The following DDX24 variants were observed in gnomAD, a reference collection of about 807,000 sequenced individuals.
The protein encoded by DDX24 is DEAD-box helicase 24.
A neutral mutation model predicts 68.9 loss-of-function variants in DDX24; 24 were observed. The observed-to-expected ratio is 0.35, with a 90% CI of 0.25 to 0.49. The LOEUF is 0.49. DDX24 is among the 20% of genes least tolerant of loss of function. DDX24 has a pLI of 0.99. For synonymous variants in DDX24, 395 were observed against 385.2 expected (o/e 1.03, Z -0.30); for missense variants, 989 against 1,039.0 (o/e 0.95, Z 0.66).
At chr14:94,074,215 T>G (rs1414669331) in intron 2 of DDX24, among the ~76,000 whole-genome samples, 1 of 152,126 alleles carries the variant, frequency 6.6e-6, no homozygotes, top group African/African-American at 2.4e-5. Flanking sequence ...TTCAGAAAAC[T>G]GAACAGAATA....
At chr14:94,059,969 A>AT in intron 5 of DDX24, 129 bp downstream of exon 5, 1 of 1,125,172 alleles carries the variant, frequency 8.9e-7, no homozygotes, top group East Asian at 2.4e-5. Flanking sequence ...AAAAAAAAAA[A>AT]GGCTACCTAC....
chr14:94,055,182 G>T lies in DDX24; in HGVS notation c.1992C>A (p.Val664=). The change falls in exon 7 of 9, where the codon GTC becomes GTA. Residue 664 remains valine (V), a splice_region_variant and synonymous_variant. Transcript: ENST00000621632. ...GGACATAAATCTCCGAGGTACGTGG[G>T]ACCTGCCACAGGAAGAACTGGGAGA... is the stretch of plus-strand genomic sequence containing the variant. ...PKVQHVIHYQ[V]PRTSEIYVHR... is the part of the protein sequence containing the mutation. The T allele has an allele frequency of 6.2e-7, 1 of 1,611,662 alleles. No individual in the cohort carries two copies. Among genetic ancestry groups the T allele is most frequent in the Non-Finnish European group, 8.5e-7 (1 of 1,178,326 alleles).
chr14:94,066,325 C>A (rs988847466), intron 2 of DDX24, among the ~76,000 whole-genome samples: 18 of 152,260 alleles, frequency 1.2e-4, no homozygotes, highest in African/African-American at 4.3e-4. Context: ...CCATCCCCCA[C>A]AACACCCACA....
At chr14:94,059,416 A>AAG (rs1885550275) in intron 5 of DDX24, among the ~76,000 whole-genome samples, 1 of 152,370 alleles carries the variant, frequency 6.6e-6, no homozygotes, top group South Asian at 2.1e-4. Flanking sequence ...ACTTCCAGGC[A>AAG]GAGAAACCTT....
chr14:94,061,173 T>A, intron 3 of DDX24, 107 bp from the exon 4 acceptor site: 1 of 1,317,352 alleles, frequency 7.6e-7, no homozygotes, highest in Non-Finnish European at 1.1e-6. Context: ...CAGCACAGTG[T>A]AATGCCCTAG....
At chr14:94,059,988 C>A in intron 5 of DDX24, 110 bp downstream of exon 5, 1 of 1,306,568 alleles carries the variant, frequency 7.7e-7, no homozygotes, top group Non-Finnish European at 1.0e-6. Context: ...ACTACTGAGA[C>A]AAGGCCCCTA....
intron 2 of DDX24, among the ~76,000 whole-genome samples, chr14:94,067,944 C>CA (rs1409182842): frequency 6.6e-6 from 1 of 151,718 alleles, no homozygotes; most frequent in Non-Finnish European, 1.5e-5. Context: ...AAAGCAAAAA[C>CA]AAAAAAACAA....
At chr14:94,054,861 A>G in intron 7 of DDX24, 135 bp downstream of exon 7, 1 of 1,023,670 alleles carries the variant, frequency 9.8e-7, no homozygotes, top group Non-Finnish European at 1.5e-6. Flanking sequence ...CCTTTCTACA[A>G]GTCTCCTTGT....
At chr14:94,053,256 G>C in intron 7 of DDX24, 129 bp from the exon 8 acceptor site, 1 of 1,235,618 alleles carries the variant, frequency 8.1e-7, no homozygotes, top group Middle Eastern at 2.7e-4. Context: ...GAGAGCAGTG[G>C]CATGATCATG....
chr14:94,073,513 T>C (rs1885875305), intron 2 of DDX24, among the ~76,000 whole-genome samples: 1 of 152,138 alleles, frequency 6.6e-6, no homozygotes, highest in Non-Finnish European at 1.5e-5. Context: ...CATACCATGC[T>C]AACCCCTTAA....
rs1324503024 is a variant in DDX24 at position 94,050,494 on chromosome 14, G to C, written c.*697C>G. ...TGCATGGAACCGTGGGCAGGAGCCT[G>C]CTCTGTCAAACAGGAGGGAGTGGAG... is the stretch of plus-strand genomic sequence containing the variant. On this transcript the variant is annotated 3_prime_UTR_variant, in exon 9 of 9. Coordinates refer to ENST00000621632, the MANE Select transcript of DDX24 (RefSeq NM_020414.4). 1 of 152,442 alleles carries C rather than the reference G, an allele frequency of 6.6e-6. No homozygotes were observed. The highest frequency in any genetic ancestry group is 6.5e-5 in the Admixed American group (1 of 15,290). 9.4% of individuals were successfully genotyped at this position (152,442 alleles called of 1,614,324 possible). A position where few individuals can be genotyped will look rare whatever the true frequency, so the allele number is the denominator to read the frequency against.
At chr14:94,080,786 G>T (rs1382412561) in intron 1 of DDX24, among the ~76,000 whole-genome samples, 1 of 152,212 alleles carries the variant, frequency 6.6e-6, no homozygotes, top group Non-Finnish European at 1.5e-5. Flanking sequence ...ACCGGGCGAG[G>T]ACACGGAGAG....
At chr14:94,069,902 A>C (rs371183939) in intron 2 of DDX24, among the ~76,000 whole-genome samples, 16 of 152,312 alleles carry the variant, frequency 1.1e-4, no homozygotes, top group African/African-American at 3.6e-4. Context: ...AGTCAACATA[A>C]TACTGAATGG....
chr14:94,063,638 T>A (rs1250981908), intron 2 of DDX24, among the ~76,000 whole-genome samples: 1 of 152,218 alleles, frequency 6.6e-6, no homozygotes, highest in Non-Finnish European at 1.5e-5. Flanking sequence ...TTTAAAAACT[T>A]CTTTTTATGG....
rs1885378216 is a variant in DDX24, at chr14:94,051,127, G to A, written c.*64C>T. The A allele has an allele frequency of 1.8e-5, 27 of 1,477,004 alleles. No individual in the cohort carries two copies. In the South Asian group the frequency reaches 3.3e-4, roughly 18 times the overall value. The allele number at this position is 1,477,004 out of a possible 1,614,324, so 91.5% of individuals were successfully genotyped here. A position where few individuals can be genotyped will look rare whatever the true frequency, so the allele number is the denominator to read the frequency against. On this transcript the variant is annotated 3_prime_UTR_variant, in exon 9 of 9. Transcript: ENST00000621632. ...GGTGGTGGAGTGAAACACAAGGGTG[G>A]GAGAGGTTTTGCAAATAGCCAGAGA...
intron 2 of DDX24, among the ~76,000 whole-genome samples, chr14:94,064,243 A>C (rs142832339): frequency 2.0e-5 from 3 of 152,362 alleles, no homozygotes; most frequent in African/African-American, 7.2e-5. Flanking sequence ...CCTGTCCCTA[A>C]TTCTTGACAC....
intron 2 of DDX24, among the ~76,000 whole-genome samples, chr14:94,076,611 G>A (rs1885945266): frequency 6.6e-6 from 1 of 151,704 alleles, no homozygotes; most frequent in Non-Finnish European, 1.5e-5. Flanking sequence ...AACCCAGGAG[G>A]CGGAGGTTGC....
chr14:94,067,298 A>G (rs184194994), intron 2 of DDX24, among the ~76,000 whole-genome samples: 4 of 152,264 alleles, frequency 2.6e-5, no homozygotes, highest in Admixed American at 2.6e-4. Context: ...AGAAAAAAGA[A>G]TAAGAAAAAA....
At chr14:94,063,903 T>C (rs1324031174) in intron 2 of DDX24, among the ~76,000 whole-genome samples, 1 of 152,174 alleles carries the variant, frequency 6.6e-6, no homozygotes, top group African/African-American at 2.4e-5. Context: ...ATACTGTCTC[T>C]AAAAACAAAC....
Sources: gnomAD v4.1 joint callset for allele counts (sites outside exome capture counted in the v4.1 genomes callset) on GRCh38, gnomAD v4.1.1 for gene constraint, MANE v1.5 for transcripts, NCBI Gene and HGNC (gene_info 2026-07-23, HGNC 2026-07-21) for gene names.